Variants in SOX1 observed in about 807,000 individuals in gnomAD.
SOX1 encodes the protein transcription factor SOX-1.
Under a neutral mutation model 0.9 loss-of-function variants are expected in SOX1, and 1 was observed. The ratio of observed to expected loss-of-function variants is 1.07; its 90% CI spans 0.38 to 5.06. SOX1 has a LOEUF of 5.06. Among genes scored for constraint, SOX1 ranks in the 30% most tolerant of loss-of-function variants. The pLI is 0.16. For synonymous variants in SOX1, 397 were observed against 265.5 expected (o/e 1.50, Z -4.81); for missense variants, 564 against 534.4 (o/e 1.06, Z -0.55).
chr13:112,068,133 GTGGGC>G lies in SOX1; in HGVS notation c.476_480del (p.Val159GlyfsTer300), dbSNP rs1880775059. On this transcript the variant is annotated frameshift_variant, in exon 1 of 1. Transcript: ENST00000330949. LOFTEE classifies it low-confidence loss of function (END_TRUNC). The surrounding 1 kb of genome is among the most constrained non-coding windows in gnomAD (Gnocchi z 6.9). Reference sequence around the variant, plus strand: ...CGCGGCTGTGGCCATGGGCGTGGGCGTGGGCGTGGGCGCGGCGGCCGTGGGCCAGC... The same window carrying G: ...CGCGGCTGTGGCCATGGGCGTGGGCGGTGGGCGCGGCGGCCGTGGGCCAGC... 1 of 1,114,544 alleles carries G rather than the reference GTGGGC, an allele frequency of 9.0e-7. No homozygotes were observed. The highest frequency in any genetic ancestry group is 1.1e-6 in the Non-Finnish European group (1 of 906,086). 69.0% of individuals were successfully genotyped at this position (1,114,544 alleles called of 1,614,324 possible).
Position 112,068,614 on chromosome 13 carries a change from A to C in SOX1, c.956A>C (p.Lys319Thr). Residue 319 changes from lysine (K) to threonine (T), a missense_variant, in exon 1 of 1, where the codon AAG becomes ACG. Coordinates refer to ENST00000330949, the MANE Select transcript of SOX1 (RefSeq NM_005986.3). The surrounding 1 kb of genome is among the most constrained non-coding windows in gnomAD (Gnocchi z 6.9). ...CTGGGCGCGCTGGGCTCTCTGGTGAAGTCGGAGCCCAGCGGCAGCCCGCCC... is the reference window on the plus strand; with the variant it reads ...CTGGGCGCGCTGGGCTCTCTGGTGACGTCGGAGCCCAGCGGCAGCCCGCCC... ...GALGALGSLVKSEPSGSPPAP... is the reference protein window; with the variant it reads ...GALGALGSLVTSEPSGSPPAP... 8.8e-7 allele frequency: 1 copy of C among 1,138,522 alleles called. No homozygotes were observed. The allele number at this position is 1,138,522 out of a possible 1,614,324, so 70.5% of individuals were successfully genotyped here.
Position 112,068,291 on chromosome 13 carries a change from G to A in SOX1, c.633G>A (p.Leu211=), listed in dbSNP as rs1185290703. 1.1e-5 allele frequency: 11 copies of A among 964,642 alleles called. No homozygotes were observed. The highest frequency in any genetic ancestry group is 1.4e-5 in the Non-Finnish European group (11 of 795,538). The allele number at this position is 964,642 out of a possible 1,614,324, so 59.8% of individuals were successfully genotyped here. The change falls in exon 1 of 1, where the codon CTG becomes CTA. Residue 211 remains leucine, a synonymous_variant. Coordinates refer to ENST00000330949, the MANE Select transcript of SOX1 (RefSeq NM_005986.3). This position sits in a 1 kb window ranked among gnomAD's most constrained non-coding sequence, Gnocchi z 6.9. ...AAAAMMQEAQ[L]AYGQHPGAGG... ...CGGCCATGATGCAGGAGGCGCAGCT[G>A]GCCTACGGGCAGCACCCGGGCGCGG...
At position 112,069,095 on chromosome 13, in the gene SOX1, A is replaced by G. The variant is rs1485569993; in HGVS notation, c.*261A>G. ...GTTTTCTTGAGACTTTTTGTACAGT[A>G]TTTATCACCTACGGAGGAAGCGGAA... On this transcript the variant is annotated 3_prime_UTR_variant, in exon 1 of 1. Coordinates refer to ENST00000330949, the MANE Select transcript of SOX1 (RefSeq NM_005986.3). The G allele has an allele frequency of 8.4e-6, 2 of 238,308 alleles. No individual in the cohort carries two copies. Among genetic ancestry groups the G allele is most frequent in the Non-Finnish European group, 1.7e-5 (2 of 115,084 alleles). The allele number at this position is 238,308 out of a possible 1,614,324, so 14.8% of individuals were successfully genotyped here.
At position 112,068,341 on chromosome 13, in the gene SOX1, CCG is replaced by C; in HGVS notation, c.687_688del (p.His230ProfsTer230). 8.2e-7 allele frequency: 1 copy of C among 1,217,178 alleles called. No individual in the cohort carries two copies. The highest frequency in any genetic ancestry group is 3.3e-5 in the Admixed American group (1 of 30,092). 75.4% of individuals were successfully genotyped at this position (1,217,178 alleles called of 1,614,324 possible). On this transcript the variant is annotated frameshift_variant, in exon 1 of 1. Coordinates refer to ENST00000330949, the MANE Select transcript of SOX1 (RefSeq NM_005986.3). LOFTEE classifies it low-confidence loss of function (END_TRUNC). This position sits in a 1 kb window ranked among gnomAD's most constrained non-coding sequence, Gnocchi z 6.9. ...GGCGGCGCGCACCCGCACGCGCACC[CCG>C]CGCACCCGCACCCGCACCACCCGCA...
chr13:112,068,110 C>G lies in SOX1; in HGVS notation c.452C>G (p.Ala151Gly). Residue 151 changes from alanine to glycine, a missense_variant, in exon 1 of 1, where the codon GCG becomes GGG. By Grantham distance (60) the Ala-to-Gly change is moderately conservative (BLOSUM62 0). Coordinates refer to ENST00000330949, the MANE Select transcript of SOX1 (RefSeq NM_005986.3). This position sits in a 1 kb window ranked among gnomAD's most constrained non-coding sequence, Gnocchi z 6.9. Reference sequence around the variant, plus strand: ...GCGGCCGGCGCGGGTGGCGGCGGCGCGGCTGTGGCCATGGGCGTGGGCGTG... The same window carrying G: ...GCGGCCGGCGCGGGTGGCGGCGGCGGGGCTGTGGCCATGGGCGTGGGCGTG... Reference protein sequence around the residue: ...LLAAGAGGGGAAVAMGVGVGV... With the variant: ...LLAAGAGGGGGAVAMGVGVGV... The G allele has an allele frequency of 6.9e-7, 1 of 1,456,424 alleles. No individual in the cohort carries two copies. The highest frequency in any genetic ancestry group is 9.1e-7 in the Non-Finnish European group (1 of 1,096,682). 90.2% of individuals were successfully genotyped at this position (1,456,424 alleles called of 1,614,324 possible). A position where few individuals can be genotyped will look rare whatever the true frequency, so the allele number is the denominator to read the frequency against.
rs879166158 is a variant in SOX1, at chr13:112,070,889, A to G, written c.*2055A>G. On this transcript the variant is annotated 3_prime_UTR_variant, in exon 1 of 1. Coordinates refer to ENST00000330949, the MANE Select transcript of SOX1 (RefSeq NM_005986.3). ...CCCTCTTTTCTTTTTCTTTATTTTT[A>G]TTTCTTTTAGCTATTTGATCCTTTC... is the stretch of plus-strand genomic sequence containing the variant. Among the ~76,000 whole-genome samples the G allele has an allele frequency of 1.5e-5, 2 of 133,896 alleles. No individual in the cohort carries two copies. Among genetic ancestry groups the G allele is most frequent in the Non-Finnish European group, 3.1e-5 (2 of 64,296 alleles). The allele number at this position is 133,896 out of a possible 152,430, so 87.8% of individuals were successfully genotyped here.
rs2138616914 is a variant in SOX1, at chr13:112,068,393, C to A, written c.735C>A (p.Pro245=). Residue 245 remains proline (P), a synonymous_variant, in exon 1 of 1, where the codon CCC becomes CCA. Coordinates refer to ENST00000330949, the MANE Select transcript of SOX1 (RefSeq NM_005986.3). The surrounding 1 kb of genome is among the most constrained non-coding windows in gnomAD (Gnocchi z 6.9). The stretch of plus-strand genomic sequence containing the variant: ...ACGCGCACCCGCACAACCCGCAGCC[C>A]ATGCACCGCTACGACATGGGCGCGC... ...HPHAHPHNPQ[P]MHRYDMGALQ... 5 of 1,303,012 alleles carry A rather than the reference C, an allele frequency of 3.8e-6. No homozygotes were observed. The highest frequency in any genetic ancestry group is 5.0e-6 in the Non-Finnish European group (5 of 1,006,440). 80.7% of individuals were successfully genotyped at this position (1,303,012 alleles called of 1,614,324 possible). A position where few individuals can be genotyped will look rare whatever the true frequency, so the allele number is the denominator to read the frequency against.
Position 112,068,254 on chromosome 13 carries a change from C to T in SOX1, c.596C>T (p.Ala199Val), listed in dbSNP as rs1295711376. ...GCCTACCCCGGCTCGGTGGCGGCGG[C>T]GGCGGCGGCCGCGGCCATGATGCAG... is the stretch of plus-strand genomic sequence containing the variant. Reference protein sequence around the residue: ...NGAYPGSVAAAAAAAAMMQEA... With the variant: ...NGAYPGSVAAVAAAAAMMQEA... The change falls in exon 1 of 1, where the codon GCG becomes GTG. Residue 199 changes from alanine to valine, a missense_variant. Transcript: ENST00000330949. The surrounding 1 kb of genome is among the most constrained non-coding windows in gnomAD (Gnocchi z 6.9). The T allele has an allele frequency of 1.3e-6, 1 of 751,274 alleles. No individual in the cohort carries two copies. 46.5% of individuals were successfully genotyped at this position (751,274 alleles called of 1,614,324 possible).
Position 112,068,059 on chromosome 13 carries a change from A to T in SOX1, c.401A>T (p.Lys134Met). ...RKTKTLLKKD[K>M]YSLAGGLLAA... Reference sequence around the variant, plus strand: ...ACCAAGACGCTGCTCAAGAAGGACAAGTACTCGCTGGCCGGCGGGCTCCTG... The same window carrying T: ...ACCAAGACGCTGCTCAAGAAGGACATGTACTCGCTGGCCGGCGGGCTCCTG... Residue 134 changes from lysine (K) to methionine (M), a missense_variant, in exon 1 of 1, where the codon AAG (lysine) becomes ATG (methionine). Coordinates refer to ENST00000330949, the MANE Select transcript of SOX1 (RefSeq NM_005986.3). This position sits in a 1 kb window ranked among gnomAD's most constrained non-coding sequence, Gnocchi z 6.9. 6.3e-7 allele frequency: 1 copy of T among 1,582,604 alleles called. No individual in the cohort carries two copies. Among genetic ancestry groups the T allele is most frequent in the Non-Finnish European group, 8.6e-7 (1 of 1,164,608 alleles).
chr13:112,068,894 G>A lies in SOX1; in HGVS notation c.*60G>A. 3 of 1,173,022 alleles carry A rather than the reference G, an allele frequency of 2.6e-6. No individual in the cohort carries two copies. The highest frequency in any genetic ancestry group is 3.2e-6 in the Non-Finnish European group (3 of 937,788). 72.7% of individuals were successfully genotyped at this position (1,173,022 alleles called of 1,614,324 possible). A position where few individuals can be genotyped will look rare whatever the true frequency, so the allele number is the denominator to read the frequency against. ...CCCACGAGCTCGCGGCCCGCGCCCG[G>A]CTCCCGCCCCGCCCCGGCGCGGCGT... On this transcript the variant is annotated 3_prime_UTR_variant, in exon 1 of 1. Transcript: ENST00000330949. The surrounding 1 kb of genome is among the most constrained non-coding windows in gnomAD (Gnocchi z 6.9).
Position 112,068,339 on chromosome 13 carries a change from CCCCGCG to C in SOX1, c.683_688del (p.Pro228_Ala229del). On this transcript the variant is annotated inframe_deletion, in exon 1 of 1. Transcript: ENST00000330949. The surrounding 1 kb of genome is among the most constrained non-coding windows in gnomAD (Gnocchi z 6.9). ...CGGGCGGCGCGCACCCGCACGCGCA[CCCCGCG>C]CACCCGCACCCGCACCACCCGCACG... 1 of 1,199,182 alleles carries C rather than the reference CCCCGCG, an allele frequency of 8.3e-7. No individual in the cohort carries two copies. Among genetic ancestry groups the C allele is most frequent in the South Asian group, 1.8e-5 (1 of 55,624 alleles). 74.3% of individuals were successfully genotyped at this position (1,199,182 alleles called of 1,614,324 possible).
chr13:112,070,513 T>G lies in SOX1; in HGVS notation c.*1679T>G, dbSNP rs1880861045. 6.0e-6 allele frequency: 1 copy of G among 166,952 alleles called. No individual in the cohort carries two copies. The highest frequency in any genetic ancestry group is 1.5e-5 in the Non-Finnish European group (1 of 68,114). The allele number at this position is 166,952 out of a possible 1,614,324, so 10.3% of individuals were successfully genotyped here. On this transcript the variant is annotated 3_prime_UTR_variant, in exon 1 of 1. Coordinates refer to ENST00000330949, the MANE Select transcript of SOX1 (RefSeq NM_005986.3). ...ATACTGTAGCAAATACATTTAAAAA[T>G]TAATCACAACGTTAAGATGAAATTA...
rs1415203587 is a variant in SOX1 at position 112,068,341 on chromosome 13, CCGCGCACCCGCACCCGCACCACCCGCA to C, written c.697_723del (p.Pro233_His241del). On this transcript the variant is annotated inframe_deletion, in exon 1 of 1. Transcript: ENST00000330949. This position sits in a 1 kb window ranked among gnomAD's most constrained non-coding sequence, Gnocchi z 6.9. Reference sequence around the variant, plus strand: ...GGCGGCGCGCACCCGCACGCGCACCCCGCGCACCCGCACCCGCACCACCCGCACGCGCACCCGCACAACCCGCAGCCC... The same window carrying C: ...GGCGGCGCGCACCCGCACGCGCACCCCGCGCACCCGCACAACCCGCAGCCC... 15 of 1,217,082 alleles carry C rather than the reference CCGCGCACCCGCACCCGCACCACCCGCA, an allele frequency of 1.2e-5. No homozygotes were observed. Among genetic ancestry groups the C allele is most frequent in the Non-Finnish European group, 1.6e-5 (15 of 959,070 alleles). 75.4% of individuals were successfully genotyped at this position (1,217,082 alleles called of 1,614,324 possible). A position where few individuals can be genotyped will look rare whatever the true frequency, so the allele number is the denominator to read the frequency against.
At position 112,068,513 on chromosome 13, in the gene SOX1, CGCCGCT is replaced by C. The variant is rs1303236222; in HGVS notation, c.858_863del (p.Ala287_Ala288del). 569 of 969,158 alleles carry C rather than the reference CGCCGCT, an allele frequency of 5.9e-4. 3 individuals carry two copies. The African/African-American group carries it at 9.8e-3, about 17-fold the overall frequency. The allele number at this position is 969,158 out of a possible 1,614,324, so 60.0% of individuals were successfully genotyped here. The stretch of plus-strand genomic sequence containing the variant: ...CCTACGGCGCCGCGGCCGCCGCCGC[CGCCGCT>C]GCGGGCGGCGCGCACCAGAACTCGG... On this transcript the variant is annotated inframe_deletion, in exon 1 of 1. Coordinates refer to ENST00000330949, the MANE Select transcript of SOX1 (RefSeq NM_005986.3). This position sits in a 1 kb window ranked among gnomAD's most constrained non-coding sequence, Gnocchi z 6.9.
chr13:112,070,712 G>A lies in SOX1; in HGVS notation c.*1878G>A, dbSNP rs1388527726. Among the ~76,000 whole-genome samples the A allele has an allele frequency of 6.6e-6, 1 of 152,184 alleles. No individual in the cohort carries two copies. Among genetic ancestry groups the A allele is most frequent in the Non-Finnish European group, 1.5e-5 (1 of 68,046 alleles). ...AGAACCGAATTCAGCCTGCATTCGA[G>A]AATAGCTTTAAGTATAATGCTGATC... is the stretch of plus-strand genomic sequence containing the variant. On this transcript the variant is annotated 3_prime_UTR_variant, in exon 1 of 1. Transcript: ENST00000330949.
rs998141702 is a variant in SOX1 at position 112,069,649 on chromosome 13, G to A, written c.*815G>A. 3 of 167,076 alleles carry A rather than the reference G, an allele frequency of 1.8e-5. No homozygotes were observed. Among genetic ancestry groups the A allele is most frequent in the African/African-American group, 7.2e-5 (3 of 41,446 alleles). The allele number at this position is 167,076 out of a possible 1,614,324, so 10.3% of individuals were successfully genotyped here. A position where few individuals can be genotyped will look rare whatever the true frequency, so the allele number is the denominator to read the frequency against. ...CAGAGCCCATTTTCTCCATAAATTT[G>A]TAACATGCTATTTTTATGTGCATGT... On this transcript the variant is annotated 3_prime_UTR_variant, in exon 1 of 1. Transcript: ENST00000330949.
At position 112,070,751 on chromosome 13, in the gene SOX1, G is replaced by T. The variant is rs1320187664; in HGVS notation, c.*1917G>T. Among the ~76,000 whole-genome samples, 2 of 152,144 alleles carry T rather than the reference G, an allele frequency of 1.3e-5. No individual in the cohort carries two copies. The highest frequency in any genetic ancestry group is 2.9e-5 in the Non-Finnish European group (2 of 68,042). On this transcript the variant is annotated 3_prime_UTR_variant, in exon 1 of 1. Coordinates refer to ENST00000330949, the MANE Select transcript of SOX1 (RefSeq NM_005986.3). ...ATAATGCTGATCTGACAATTGACGT[G>T]TAATTTGGGAAGTCATTTTGATAAT...
Position 112,069,620 on chromosome 13 carries a change from GAGAC to G in SOX1, c.*790_*793del, listed in dbSNP as rs1880834844. 6.0e-6 allele frequency: 1 copy of G among 167,070 alleles called. No individual in the cohort carries two copies. 10.3% of individuals were successfully genotyped at this position (167,070 alleles called of 1,614,324 possible). On this transcript the variant is annotated 3_prime_UTR_variant, in exon 1 of 1. Coordinates refer to ENST00000330949, the MANE Select transcript of SOX1 (RefSeq NM_005986.3). ...AAATGTTTCGAGTCAACAAATTTAA[GAGAC>G]AGAGCCCATTTTCTCCATAAATTTG... is the stretch of plus-strand genomic sequence containing the variant.
At position 112,069,103 on chromosome 13, in the gene SOX1, C is replaced by T. The variant is rs111536872; in HGVS notation, c.*269C>T. On this transcript the variant is annotated 3_prime_UTR_variant, in exon 1 of 1. Transcript: ENST00000330949. ...GAGACTTTTTGTACAGTATTTATCA[C>T]CTACGGAGGAAGCGGAAAGCGTTTT... is the stretch of plus-strand genomic sequence containing the variant. 3.5e-5 allele frequency: 8 copies of T among 225,606 alleles called. No individual in the cohort carries two copies. The highest frequency in any genetic ancestry group is 1.8e-4 in the African/African-American group (8 of 43,448). 14.0% of individuals were successfully genotyped at this position (225,606 alleles called of 1,614,324 possible).
Sources: gnomAD v4.1 joint callset for allele counts (sites outside exome capture counted in the v4.1 genomes callset) on GRCh38, gnomAD v4.1.1 for gene constraint, Gnocchi (gnomAD v3.1) non-coding constraint, MANE v1.5 for transcripts, NCBI Gene and HGNC (gene_info 2026-07-23, HGNC 2026-07-21) for gene names.